The following NCOR1 variants were observed in gnomAD, a reference collection of about 807,000 sequenced individuals.
NCOR1 encodes nuclear receptor corepressor 1.
NCOR1 carries 63 observed loss-of-function variants against 288.1 expected under a neutral mutation model. The ratio of observed to expected loss-of-function variants is 0.22; its 90% confidence interval spans 0.18 to 0.27. NCOR1 has a LOEUF of 0.27. Among genes scored for constraint, NCOR1 ranks in the 10% least tolerant of loss-of-function variants. NCOR1 has a pLI of 1.00. For missense variants in NCOR1, 2,397 were observed against 3,019.2 expected (o/e 0.79, Z 4.83); for synonymous variants, 1,007 against 1,065.9 (o/e 0.94, Z 1.08).
chr17:16,086,718 C>T (rs1598394936), intron 22 of NCOR1, among the ~76,000 whole-genome samples: 1 of 152,208 alleles, frequency 6.6e-6, no homozygotes, highest in Non-Finnish European at 1.5e-5. Flanking sequence ...TAGCAAACAT[C>T]AGTCTTCAAA....
At position 16,065,741 on chromosome 17, in the gene NCOR1, A is replaced by G. The variant is rs370818768; in HGVS notation, c.4742-47T>C. ...AGGCACTGAGTTTTGTCCTGGCTGA[A>G]ATACATTTGCTAAACACCACGTACA... On this transcript the variant is annotated intron_variant, in intron 32 of 45. Transcript: ENST00000268712. 23 of 1,553,846 alleles carry G rather than the reference A, an allele frequency of 1.5e-5. No individual in the cohort carries two copies. In the African/African-American group the frequency reaches 2.3e-4, roughly 16 times the overall value.
chr17:16,210,757 T>C (rs1359762201), intron 1 of NCOR1, among the ~76,000 whole-genome samples: 1 of 150,704 alleles, frequency 6.6e-6, no homozygotes, highest in Non-Finnish European at 1.5e-5. Context: ...TGAGGCAGAG[T>C]CTCACTCAGT....
At chr17:16,158,960 A>G in intron 5 of NCOR1, 87 bp from the exon 6 acceptor site, 2 of 824,124 alleles carry the variant, frequency 2.4e-6, no homozygotes, top group Non-Finnish European at 3.8e-6. Context: ...CAGGCTACTA[A>G]GCTTTGCTTG....
intron 14 of NCOR1, among the ~76,000 whole-genome samples, chr17:16,129,919 G>C (rs2075341469): frequency 6.6e-6 from 1 of 152,196 alleles, no homozygotes; most frequent in Non-Finnish European, 1.5e-5. Context: ...ATTCCCTGCT[G>C]TCTAAAATCC....
intron 15 of NCOR1, among the ~76,000 whole-genome samples, chr17:16,125,594 C>T (rs953767446): frequency 3.5e-5 from 5 of 144,468 alleles, no homozygotes; most frequent in African/African-American, 1.0e-4. Flanking sequence ...CCCAGCTACT[C>T]GGGAGGCTGA....
Position 16,042,614 on chromosome 17 carries a change from TG to T in NCOR1, c.6680-2121del, listed in dbSNP as rs1449663709. On this transcript the variant is annotated intron_variant, in intron 42 of 45. Transcript: ENST00000268712. Reference sequence around the variant, plus strand: ...TACTGTTGAGCAAGAATGTGGTAACTGCTCAGAAATTAGCAGAATGGAAGGT... The same window carrying T: ...TACTGTTGAGCAAGAATGTGGTAACTCTCAGAAATTAGCAGAATGGAAGGT... 5.3e-5 allele frequency among the ~76,000 whole-genome samples: 8 copies of T among 152,352 alleles called. No homozygotes were observed. The East Asian group carries it at 1.3e-3, about 26-fold the overall frequency.
intron 40 of NCOR1, among the ~76,000 whole-genome samples, chr17:16,053,284 T>C (rs118011421): frequency 4.6e-5 from 7 of 152,164 alleles, no homozygotes; most frequent in Non-Finnish European, 1.0e-4. Flanking sequence ...ATCCCATATC[T>C]AGAAAACTCC....
intron 3 of NCOR1, among the ~76,000 whole-genome samples, chr17:16,174,366 G>A (rs1338624379): frequency 6.6e-6 from 1 of 152,200 alleles, no homozygotes; most frequent in Non-Finnish European, 1.5e-5. Flanking sequence ...TAATGCCTTA[G>A]CTGGACTTCT....
chr17:16,096,092 G>A (rs946083995), intron 21 of NCOR1, among the ~76,000 whole-genome samples: 2 of 152,160 alleles, frequency 1.3e-5, no homozygotes, highest in African/African-American at 2.4e-5. Flanking sequence ...TAAGGGTGGT[G>A]CAAGATGTGC....
chr17:16,123,673 T>C (rs1051596299), intron 15 of NCOR1, among the ~76,000 whole-genome samples: 1 of 152,212 alleles, frequency 6.6e-6, no homozygotes, highest in South Asian at 2.1e-4. Context: ...TATCTTCCAC[T>C]AGCTATTCAT....
intron 2 of NCOR1, among the ~76,000 whole-genome samples, chr17:16,189,585 C>A (rs1234894681): frequency 6.6e-6 from 1 of 151,864 alleles, no homozygotes; most frequent in African/African-American, 2.4e-5. Context: ...GGAGCTACAG[C>A]AAAAAGTTCC....
rs1971746003 is a variant in NCOR1, at chr17:16,029,266, T to G, written c.*3030A>C. ...GAGTTTTCAGGACAGTCTCTTCATG[T>G]GGGTGTTTTCATTACAGTTCATTTA... On this transcript the variant is annotated 3_prime_UTR_variant, in exon 46 of 46. Coordinates refer to ENST00000268712, the MANE Select transcript of NCOR1 (RefSeq NM_006311.4). The G allele has an allele frequency of 2.2e-6, 1 of 453,610 alleles. No individual in the cohort carries two copies. The highest frequency in any genetic ancestry group is 1.6e-5 in the South Asian group (1 of 64,312). 28.1% of individuals were successfully genotyped at this position (453,610 alleles called of 1,614,324 possible).
intron 1 of NCOR1, among the ~76,000 whole-genome samples, chr17:16,215,143 C>T (rs558323830): frequency 6.6e-6 from 1 of 152,340 alleles, no homozygotes. Context: ...CATAAGCCTC[C>T]GCTAGCCCAG....
At chr17:16,057,405 TA>T in intron 40 of NCOR1, 108 bp downstream of exon 40, 1 of 1,079,922 alleles carries the variant, frequency 9.3e-7, no homozygotes, top group Non-Finnish European at 1.4e-6. Flanking sequence ...TTCCTGGGAA[TA>T]AAGGCAAATG....
chr17:16,029,854 G>C lies in NCOR1; in HGVS notation c.*2442C>G, dbSNP rs1460473778. 6.5e-6 allele frequency: 1 copy of C among 152,682 alleles called. No individual in the cohort carries two copies. Among genetic ancestry groups the C allele is most frequent in the Non-Finnish European group, 1.5e-5 (1 of 68,372 alleles). 9.5% of individuals were successfully genotyped at this position (152,682 alleles called of 1,614,324 possible). A position where few individuals can be genotyped will look rare whatever the true frequency, so the allele number is the denominator to read the frequency against. The stretch of plus-strand genomic sequence containing the variant: ...TAATACGCACATGCATTATGATGAG[G>C]ATGGAGGGAGTGGTTCACAGCACCT... On this transcript the variant is annotated 3_prime_UTR_variant, in exon 46 of 46. Transcript: ENST00000268712.
At chr17:16,054,167 G>T (rs2059650894) in intron 40 of NCOR1, among the ~76,000 whole-genome samples, 1 of 141,640 alleles carries the variant, frequency 7.1e-6, no homozygotes, top group African/African-American at 2.6e-5. Context: ...TCATAACAAA[G>T]ACACCAAAAG....
chr17:16,200,827 G>C (rs1455453737), intron 1 of NCOR1, among the ~76,000 whole-genome samples: 1 of 152,158 alleles, frequency 6.6e-6, no homozygotes, highest in East Asian at 1.9e-4. Context: ...TGTTAGGCAA[G>C]ACAAAGCTAA....
At chr17:16,036,694 T>C (rs144018221) in intron 44 of NCOR1, among the ~76,000 whole-genome samples, 10 of 152,340 alleles carry the variant, frequency 6.6e-5, no homozygotes, top group Non-Finnish European at 1.5e-4. Context: ...AGCCTTCTCA[T>C]CTGTGGCTTC....
intron 3 of NCOR1, among the ~76,000 whole-genome samples, chr17:16,172,215 G>C (rs930925598): frequency 6.6e-6 from 1 of 152,210 alleles, no homozygotes; most frequent in African/African-American, 2.4e-5. Context: ...AATTAGCTGG[G>C]CGTGGCAGTG....
Sources: allele counts gnomAD v4.1 joint callset (sites outside exome capture counted in the v4.1 genomes callset), GRCh38; gene constraint gnomAD v4.1.1; transcripts MANE v1.5; gene names NCBI Gene and HGNC (gene_info 2026-07-23, HGNC 2026-07-21).